PHLDB2: variants seen among roughly 807,000 people sequenced by gnomAD.
PHLDB2 encodes the protein pleckstrin homology like domain family B member 2.
In PHLDB2, 71 loss-of-function variants were observed where a neutral mutation model predicts 123.6. That is an observed-to-expected ratio of 0.57 (90% CI 0.47 to 0.70). The LOEUF (loss-of-function observed/expected upper bound fraction) is 0.70. Ranked by LOEUF, PHLDB2 falls within the 30% of genes least tolerant of loss-of-function variation. The pLI, the probability that PHLDB2 is intolerant of heterozygous loss-of-function variation, is 0.00. For synonymous variants in PHLDB2, 547 were observed against 541.6 expected (o/e 1.01, Z -0.14); for missense variants, 1,446 against 1,519.5 (o/e 0.95, Z 0.80).
rs919027239 is a variant in PHLDB2, at chr3:111,849,779, T to C, written c.67+3844T>C. ...TAATGAGTGAATAAAGAAAATGTGGTATAGATACACCATGGAATACTATTC... is the reference window on the plus strand; with the variant it reads ...TAATGAGTGAATAAAGAAAATGTGGCATAGATACACCATGGAATACTATTC... On this transcript the variant is annotated intron_variant, in intron 2 of 17. Coordinates refer to the PHLDB2 transcript ENST00000393923. 3.9e-5 allele frequency among the ~76,000 whole-genome samples: 6 copies of C among 152,312 alleles called. No individual in the cohort carries two copies. In the East Asian group the frequency reaches 1.2e-3, roughly 29 times the overall value.
chr3:111,919,983 T>TGCAAATAGGCAAAATATC (rs2068401320), intron 4 of PHLDB2, among the ~76,000 whole-genome samples: 1 of 152,182 alleles, frequency 6.6e-6, no homozygotes, highest in Non-Finnish European at 1.5e-5. Flanking sequence ...TTGTGCTTGA[T>TGCAAATAGGCAAAATATC]CTTGAGCTGA....
chr3:111,961,102 G>T (rs1332479349), intron 12 of PHLDB2, among the ~76,000 whole-genome samples: 1 of 152,170 alleles, frequency 6.6e-6, no homozygotes, highest in Non-Finnish European at 1.5e-5. Context: ...GGAGGCCGAG[G>T]CAGGCAGATC....
At chr3:111,799,528 A>G (rs1337646623) in intron 1 of PHLDB2, among the ~76,000 whole-genome samples, 1 of 152,230 alleles carries the variant, frequency 6.6e-6, no homozygotes, top group Non-Finnish European at 1.5e-5. Context: ...AATACTTTAG[A>G]AATATGTCAT....
rs767766558 is a variant in PHLDB2 at position 111,969,788 on chromosome 3, T to C, written c.3414T>C (p.His1138=). The C allele has an allele frequency of 7.9e-5, 128 of 1,613,626 alleles. No individual in the cohort carries two copies. Among genetic ancestry groups the C allele is most frequent in the Non-Finnish European group, 1.0e-4 (122 of 1,179,644 alleles). The change falls in exon 16 of 18, where the codon CAT becomes CAC. Residue 1138 remains histidine, a synonymous_variant. Transcript: ENST00000431670. ...TAGHNIDTCY[H]VSITEKTCRG... is the part of the protein sequence containing the mutation. ...GCCACAATATTGACACCTGTTACCA[T>C]GTATCAATCACAGAGAAGACCTGCC...
intron 1 of PHLDB2, among the ~76,000 whole-genome samples, chr3:111,794,518 A>G (rs1452564634): frequency 6.6e-6 from 1 of 152,120 alleles, no homozygotes; most frequent in Non-Finnish European, 1.5e-5. Context: ...TAGTTGTTCA[A>G]ATTTGGTGTT....
intron 1 of PHLDB2, among the ~76,000 whole-genome samples, chr3:111,876,331 C>T (rs976285322): frequency 2.0e-5 from 3 of 152,038 alleles, no homozygotes; most frequent in Admixed American, 1.3e-4. Flanking sequence ...AGCAACTTGG[C>T]GGTTAAGAAC....
chr3:111,902,326 T>G (rs976860221), intron 2 of PHLDB2, among the ~76,000 whole-genome samples: 6 of 152,178 alleles, frequency 3.9e-5, no homozygotes, highest in South Asian at 2.1e-4. Context: ...GCATGGTAGC[T>G]CATGCCTGTA....
intron 1 of PHLDB2, among the ~76,000 whole-genome samples, chr3:111,801,971 TATC>T (rs1693671965): frequency 7.1e-6 from 1 of 140,186 alleles, no homozygotes; most frequent in South Asian, 2.2e-4. Context: ...TAATCACAAA[TATC>T]ATCAAATTCT....
At chr3:111,820,090 T>A (rs2062299865) in intron 1 of PHLDB2, among the ~76,000 whole-genome samples, 1 of 152,144 alleles carries the variant, frequency 6.6e-6, no homozygotes, top group African/African-American at 2.4e-5. Flanking sequence ...TTTCTTGAGC[T>A]CTCTAGAGAG....
chr3:111,846,384 T>C (rs2063986647), intron 2 of PHLDB2: 1 of 160,820 alleles, frequency 6.2e-6, no homozygotes, highest in African/African-American at 2.4e-5. Flanking sequence ...TTTGTGGTTC[T>C]GGATGAAATC....
At chr3:111,883,188 C>T (rs923277599) in intron 1 of PHLDB2, among the ~76,000 whole-genome samples, 9 of 152,252 alleles carry the variant, frequency 5.9e-5, no homozygotes, top group Middle Eastern at 6.8e-3. Context: ...AATTCAAAGA[C>T]ATTTTCATTG....
intron 1 of PHLDB2, among the ~76,000 whole-genome samples, chr3:111,772,876 G>A (rs1178253045): frequency 6.6e-6 from 1 of 152,160 alleles, no homozygotes; most frequent in Non-Finnish European, 1.5e-5. Flanking sequence ...ACCCCTGAAG[G>A]AGGGTTGGTG....
chr3:111,823,366 T>G (rs938831718), intron 1 of PHLDB2, among the ~76,000 whole-genome samples: 1 of 152,254 alleles, frequency 6.6e-6, no homozygotes, highest in African/African-American at 2.4e-5. Flanking sequence ...TTTCAATGAA[T>G]TCAACTTAGA....
chr3:111,780,399 A>AGAAGAAGAAGAAG (rs1553726797), intron 1 of PHLDB2, among the ~76,000 whole-genome samples: 7,981 of 74,398 alleles, frequency 0.11, 3,018 homozygotes, highest in South Asian at 0.14. Context: ...AAGAAGAAGA[A>AGAAGAAGAAGAAG]GAAGAAGAAG....
intron 1 of PHLDB2, among the ~76,000 whole-genome samples, chr3:111,874,402 G>T (rs1161430927): frequency 1.3e-5 from 2 of 152,152 alleles, no homozygotes; most frequent in African/African-American, 2.4e-5. Flanking sequence ...CCAATGCCTA[G>T]CTCAGAGCCT....
chr3:111,953,443 A>C (rs985781583), intron 11 of PHLDB2, among the ~76,000 whole-genome samples: 1 of 152,234 alleles, frequency 6.6e-6, no homozygotes, highest in Admixed American at 6.5e-5. Flanking sequence ...CATTTTATCT[A>C]CATGAAGGAT....
chr3:111,795,018 C>T (rs9857303), intron 1 of PHLDB2, among the ~76,000 whole-genome samples: 33,624 of 152,022 alleles, frequency 0.22, 4,029 homozygotes, highest in Non-Finnish European at 0.26. Flanking sequence ...ATTCTAAAAT[C>T]GGGGGTATAG....
chr3:111,793,044 T>A (rs2060995132), intron 1 of PHLDB2, among the ~76,000 whole-genome samples: 1 of 152,160 alleles, frequency 6.6e-6, no homozygotes, highest in Non-Finnish European at 1.5e-5. Context: ...CTGCCTAGGA[T>A]GTTCCCTCAA....
chr3:111,832,387 A>C (rs1285181129), intron 1 of PHLDB2, among the ~76,000 whole-genome samples: 1 of 151,588 alleles, frequency 6.6e-6, no homozygotes, highest in Non-Finnish European at 1.5e-5. Flanking sequence ...AAAAAACAAA[A>C]AACAAAAAAA....
Sources: gnomAD v4.1 joint callset for allele counts (sites outside exome capture counted in the v4.1 genomes callset) on GRCh38, gnomAD v4.1.1 for gene constraint, MANE v1.5 for transcripts, NCBI Gene and HGNC (gene_info 2026-07-23, HGNC 2026-07-21) for gene names.